Variants in ARAP1 observed in about 807,000 individuals in gnomAD.
ARAP1 encodes arf-GAP with Rho-GAP domain, ANK repeat and PH domain-containing protein 1.
A neutral mutation model predicts 172.2 loss-of-function variants in ARAP1; 76 were observed. The ratio of observed to expected loss-of-function variants is 0.44; its 90% CI spans 0.37 to 0.53. ARAP1 has a LOEUF of 0.53. Among genes scored for constraint, ARAP1 ranks in the 20% least tolerant of loss-of-function variants. ARAP1 has a pLI of 0.00. For synonymous variants in ARAP1, 804 were observed against 803.3 expected, an observed-to-expected ratio of 1.00 and a Z score of -0.01; for missense variants, 1,686 against 1,977.5, an observed-to-expected ratio of 0.85 and a Z score of 2.80.
rs969482270 is a variant in ARAP1, at chr11:72,710,074, T to TG, written c.1417-99dup. ...AGGGAAGGTGGTGCAACTCAGGGAC[T>TG]GGGGGGGGTGCCCAGGAGGGAGACA... On this transcript the variant is annotated intron_variant, in intron 10 of 34. Transcript: ENST00000393609. This position sits in a 1 kb window ranked among gnomAD's most constrained non-coding sequence, Gnocchi z 4.3. 3.6e-4 allele frequency: 390 copies of TG among 1,094,240 alleles called. No individual in the cohort carries two copies. The highest frequency in any genetic ancestry group is 8.1e-4 in the Admixed American group (44 of 54,040). The allele number at this position is 1,094,240 out of a possible 1,614,324, so 67.8% of individuals were successfully genotyped here.
rs1277833010 is a variant in ARAP1 at position 72,697,658 on chromosome 11, G to A, written c.2738-9C>T. 4 of 1,614,028 alleles carry A rather than the reference G, an allele frequency of 2.5e-6. No individual in the cohort carries two copies. Among genetic ancestry groups the A allele is most frequent in the Non-Finnish European group, 3.4e-6 (4 of 1,179,924 alleles). On this transcript the variant is annotated splice_polypyrimidine_tract_variant and intron_variant, in intron 19 of 34. Transcript: ENST00000393609. ...ACTGTCCCCCTGGATGGCTGTGGAG[G>A]GGTTAGTCAAGGTGAGGCCCAGGTC... is the stretch of plus-strand genomic sequence containing the variant.
At position 72,703,414 on chromosome 11, in the gene ARAP1, G is replaced by A. The variant is rs372207414; in HGVS notation, c.1993-335C>T. 51 of 163,738 alleles carry A rather than the reference G, an allele frequency of 3.1e-4. 3 individuals are homozygous for A. The highest frequency in any genetic ancestry group is 8.3e-4 in the African/African-American group (32 of 38,356). 10.1% of individuals were successfully genotyped at this position (163,738 alleles called of 1,614,324 possible). Reference sequence around the variant, plus strand: ...TTCTGCCTTGTGGAGGAGCCGGGGGGGGGGTGTGCTTTGTAGCTAATTCCT... The same window carrying A: ...TTCTGCCTTGTGGAGGAGCCGGGGGAGGGGTGTGCTTTGTAGCTAATTCCT... On this transcript the variant is annotated intron_variant, in intron 14 of 34. Transcript: ENST00000393609.
In ARAP1 at chr11:72,689,341, T is replaced by C. The variant is rs931331715; in HGVS notation, c.3988-804A>G. On this transcript the variant is annotated intron_variant, in intron 30 of 34. Transcript: ENST00000393609. Reference sequence around the variant, plus strand: ...TGGTTGGAGGTCAAGCTAATGAGGCTTCCTCCTGCTCTAGGAGCCACTTGC... The same window carrying C: ...TGGTTGGAGGTCAAGCTAATGAGGCCTCCTCCTGCTCTAGGAGCCACTTGC... 2.0e-5 allele frequency among the ~76,000 whole-genome samples: 3 copies of C among 152,186 alleles called. No individual in the cohort carries two copies. The East Asian group carries it at 5.8e-4, about 29-fold the overall frequency.
Position 72,695,217 on chromosome 11 carries a change from G to T in ARAP1, c.3577-120C>A, listed in dbSNP as rs576245671. ...CAGGCCCTTCTGGAGTCCTGGGATA[G>T]AGAGGGGTATTTCTGAGTGGTCCTT... is the stretch of plus-strand genomic sequence containing the variant. On this transcript the variant is annotated intron_variant, in intron 26 of 34. Transcript: ENST00000393609. This position sits in a 1 kb window ranked among gnomAD's most constrained non-coding sequence, Gnocchi z 4.4. The T allele has an allele frequency of 6.0e-4, 797 of 1,339,482 alleles. 2 individuals are homozygous for T. The highest frequency in any genetic ancestry group is 4.0e-3 in the Middle Eastern group (18 of 4,518). 83.0% of individuals were successfully genotyped at this position (1,339,482 alleles called of 1,614,324 possible).
At chr11:72,686,351 T>A (rs189899336) in intron 33 of ARAP1, among the ~76,000 whole-genome samples, 160 bp from the exon 34 acceptor site, 19 of 152,168 alleles carry the variant, frequency 1.2e-4, no homozygotes, top group Non-Finnish European at 2.2e-4. Flanking sequence ...GGGGAGAACA[T>A]GACTGCATCT....
rs569468791 is a variant in ARAP1 at position 72,731,419 on chromosome 11, G to T, written c.-45+1096C>A. Among the ~76,000 whole-genome samples, 12 of 152,218 alleles carry T rather than the reference G, an allele frequency of 7.9e-5. No individual in the cohort carries two copies. The East Asian group carries it at 2.3e-3, about 29-fold the overall frequency. The stretch of plus-strand genomic sequence containing the variant: ...TATTTGTTCATGTAAGAGCTAGCTG[G>T]TTAAAAGAGCCCGGCTTCTCTCTTG... On this transcript the variant is annotated intron_variant, in intron 2 of 34. Transcript: ENST00000393609.
Position 72,719,323 on chromosome 11 carries a change from T to C in ARAP1, c.510-5002A>G, listed in dbSNP as rs59308438. On this transcript the variant is annotated intron_variant, in intron 3 of 34. Coordinates refer to ENST00000393609, the MANE Select transcript of ARAP1 (RefSeq NM_001040118.3). ...CACTTCTAAGAGTTAAAAGAGGCACTATTAATAACTATGTCAGGGCAGCAG... is the reference window on the plus strand; with the variant it reads ...CACTTCTAAGAGTTAAAAGAGGCACCATTAATAACTATGTCAGGGCAGCAG... 6.9e-3 allele frequency among the ~76,000 whole-genome samples: 1,048 copies of C among 152,324 alleles called. 16 individuals are homozygous for C. Among genetic ancestry groups the C allele is most frequent in the African/African-American group, 0.024 (997 of 41,562 alleles).
intron 34 of ARAP1, 73 bp downstream of exon 34, chr11:72,685,969 C>T: frequency 1.2e-6 from 2 of 1,612,164 alleles, no homozygotes; most frequent in Non-Finnish European, 1.7e-6. Context: ...GGGCAATCAT[C>T]TACTGTGGAG....
chr11:72,704,496 TG>T, intron 13 of ARAP1, 162 bp from the exon 14 acceptor site: 1 of 747,886 alleles, frequency 1.3e-6, no homozygotes, highest in Non-Finnish European at 2.1e-6. Flanking sequence ...TGCTGGTGGC[TG>T]GGGATGCTCC....
At chr11:72,728,115 C>T (rs1857752770) in intron 2 of ARAP1, among the ~76,000 whole-genome samples, 1 of 152,208 alleles carries the variant, frequency 6.6e-6, no homozygotes, top group Non-Finnish European at 1.5e-5. Context: ...TATTATTCCT[C>T]ACATTGCTCT....
rs199604582 is a variant in ARAP1, at chr11:72,703,413, G to GCA, written c.1993-335_1993-334insTG. On this transcript the variant is annotated intron_variant, in intron 14 of 34. Transcript: ENST00000393609. ...CTTCTGCCTTGTGGAGGAGCCGGGG[G>GCA]GGGGGTGTGCTTTGTAGCTAATTCC... 23 of 173,268 alleles carry GCA rather than the reference G, an allele frequency of 1.3e-4. No homozygotes were observed. In the East Asian group the frequency reaches 3.3e-3, roughly 25 times the overall value. The allele number at this position is 173,268 out of a possible 1,614,324, so 10.7% of individuals were successfully genotyped here. A position where few individuals can be genotyped will look rare whatever the true frequency, so the allele number is the denominator to read the frequency against.
At chr11:72,739,133 G>C (rs1047377495) in intron 1 of ARAP1, among the ~76,000 whole-genome samples, 1 of 152,164 alleles carries the variant, frequency 6.6e-6, no homozygotes, top group Non-Finnish European at 1.5e-5. Context: ...CTCCAGCCCT[G>C]CCAGGAAAGG....
chr11:72,697,218 G>C, intron 21 of ARAP1, 23 bp from the exon 22 acceptor site: 1 of 1,589,402 alleles, frequency 6.3e-7, no homozygotes, highest in Non-Finnish European at 8.5e-7. Context: ...GGGGCCAAGC[G>C]TTCGGGGCCT....
Position 72,695,663 on chromosome 11 carries a change from C to A in ARAP1, c.3421-35G>T, listed in dbSNP as rs1856154756. On this transcript the variant is annotated intron_variant, in intron 24 of 34. Transcript: ENST00000393609. The surrounding 1 kb of genome is among the most constrained non-coding windows in gnomAD (Gnocchi z 4.4). ...GGCGAGAGGCAGGGACAGGTGGTCA[C>A]CGTCATCTGCAAGGATCACCCCTGC... 2 of 1,613,918 alleles carry A rather than the reference C, an allele frequency of 1.2e-6. No individual in the cohort carries two copies. The highest frequency in any genetic ancestry group is 4.5e-5 in the East Asian group (2 of 44,892).
rs767632824 is a variant in ARAP1 at position 72,685,974 on chromosome 11, G to A, written c.4335+68C>T. Reference sequence around the variant, plus strand: ...AGGGCAATCAGGGCAATCATCTACTGTGGAGTAGAAGGCAGGCACCCAGCC... The same window carrying A: ...AGGGCAATCAGGGCAATCATCTACTATGGAGTAGAAGGCAGGCACCCAGCC... On this transcript the variant is annotated intron_variant, in intron 34 of 34. Coordinates refer to ENST00000393609, the MANE Select transcript of ARAP1 (RefSeq NM_001040118.3). 10 of 1,608,012 alleles carry A rather than the reference G, an allele frequency of 6.2e-6. No homozygotes were observed. In the African/African-American group the frequency reaches 9.4e-5, roughly 15 times the overall value.
At chr11:72,714,074 T>C (rs542832357) in intron 4 of ARAP1, 78 bp downstream of exon 4, 2 of 1,358,240 alleles carry the variant, frequency 1.5e-6, no homozygotes, top group African/African-American at 3.0e-5. Flanking sequence ...GTGTGATCCT[T>C]GCATACCTTC....
At position 72,713,363 on chromosome 11, in the gene ARAP1, G is replaced by A. The variant is rs1857122144; in HGVS notation, c.680-120C>T. The A allele has an allele frequency of 1.2e-5, 11 of 912,972 alleles. No homozygotes were observed. In the South Asian group the frequency reaches 1.5e-4, roughly 13 times the overall value. The allele number at this position is 912,972 out of a possible 1,614,324, so 56.6% of individuals were successfully genotyped here. On this transcript the variant is annotated intron_variant, in intron 4 of 34. Transcript: ENST00000393609. ...AGACCCCCATCCCCACCTCCCCCTG[G>A]CTTTCAAAAAAAGGCACAGGGGACA...
chr11:72,745,182 C>CTTTTTTTT (rs902550014), intron 1 of ARAP1, among the ~76,000 whole-genome samples: 8 of 88,310 alleles, frequency 9.1e-5, no homozygotes, highest in Non-Finnish European at 1.7e-4. Flanking sequence ...AAGTTTCTTT[C>CTTTTTTTT]TTTTTTTTTT....
chr11:72,730,068 C>T (rs1290089409), intron 2 of ARAP1, among the ~76,000 whole-genome samples: 1 of 152,006 alleles, frequency 6.6e-6, no homozygotes, highest in Non-Finnish European at 1.5e-5. Context: ...TAAGCAAAGC[C>T]AAGAGCTAAA....
Sources: allele counts gnomAD v4.1 joint callset (sites outside exome capture counted in the v4.1 genomes callset), GRCh38; gene constraint gnomAD v4.1.1; non-coding constraint Gnocchi (gnomAD v3.1); transcripts MANE v1.5; gene names NCBI Gene and HGNC (gene_info 2026-07-23, HGNC 2026-07-21).